The following RABGAP1L variants were observed in gnomAD, a reference collection of about 807,000 sequenced individuals.
RABGAP1L encodes the protein RAB GTPase activating protein 1 like.
Under a neutral mutation model 137.7 loss-of-function variants are expected in RABGAP1L, and 63 were observed. The ratio of observed to expected loss-of-function variants is 0.46; its 90% CI spans 0.37 to 0.56. RABGAP1L has a LOEUF of 0.56. Among genes scored for constraint, RABGAP1L ranks in the 20% least tolerant of loss-of-function variants. The pLI, the probability that RABGAP1L is intolerant of heterozygous loss-of-function variation, is 0.00. For missense variants in RABGAP1L, 1,095 were observed against 1,244.0 expected, an observed-to-expected ratio of 0.88 and a Z score of 1.80; for synonymous variants, 431 against 433.7, an observed-to-expected ratio of 0.99 and a Z score of 0.08.
At chr1:174,626,884 G>A (rs1572583212) in intron 13 of RABGAP1L, among the ~76,000 whole-genome samples, 1 of 152,194 alleles carries the variant, frequency 6.6e-6, no homozygotes, top group East Asian at 1.9e-4. Flanking sequence ...AGACCAATTT[G>A]TGATGTTTTA....
intron 19 of RABGAP1L, among the ~76,000 whole-genome samples, chr1:174,825,564 G>T (rs1020356187): frequency 2.0e-5 from 3 of 152,184 alleles, no homozygotes; most frequent in African/African-American, 7.2e-5. Flanking sequence ...ACACTGGAAG[G>T]ATTCTTTACT....
intron 11 of RABGAP1L, among the ~76,000 whole-genome samples, chr1:174,352,437 C>T (rs985974797): frequency 6.6e-6 from 1 of 152,060 alleles, no homozygotes; most frequent in African/African-American, 2.4e-5. Flanking sequence ...ATTTCAGTCT[C>T]TTTGTTAAAT....
At chr1:174,636,290 G>A (rs1333054579) in intron 13 of RABGAP1L, among the ~76,000 whole-genome samples, 1 of 152,026 alleles carries the variant, frequency 6.6e-6, no homozygotes, top group Non-Finnish European at 1.5e-5. Flanking sequence ...AGGTCGAAGT[G>A]GGTGAATCAC....
intron 4 of RABGAP1L, among the ~76,000 whole-genome samples, chr1:174,239,273 C>A (rs916199975): frequency 6.6e-6 from 1 of 152,186 alleles, no homozygotes; most frequent in Admixed American, 6.5e-5. Flanking sequence ...TGTTCCTATT[C>A]GGCCATCTTG....
At chr1:174,635,597 A>C (rs1673945137) in intron 13 of RABGAP1L, among the ~76,000 whole-genome samples, 1 of 152,126 alleles carries the variant, frequency 6.6e-6, no homozygotes, top group Non-Finnish European at 1.5e-5. Flanking sequence ...GGCAAATATA[A>C]ATTTTCTCTG....
intron 24 of RABGAP1L, among the ~76,000 whole-genome samples, chr1:174,983,825 C>A (rs1444124155): frequency 1.3e-5 from 2 of 152,080 alleles, no homozygotes; most frequent in East Asian, 3.9e-4. Context: ...ACTCATGTTA[C>A]AAAATGTCAA....
At chr1:174,355,675 A>G (rs1256437512) in intron 11 of RABGAP1L, among the ~76,000 whole-genome samples, 2 of 152,140 alleles carry the variant, frequency 1.3e-5, no homozygotes, top group African/African-American at 4.8e-5. Flanking sequence ...TGTTCTTCAG[A>G]TAAGATGTTT....
chr1:174,271,747 G>A (rs1674573887), intron 7 of RABGAP1L, among the ~76,000 whole-genome samples: 2 of 152,052 alleles, frequency 1.3e-5, no homozygotes, highest in Admixed American at 6.6e-5. Flanking sequence ...AAGTGGCAGT[G>A]TTGATGGGAT....
rs543595688 is a variant in RABGAP1L at position 174,995,252 on chromosome 1, C to T, written c.*5251C>T. On this transcript the variant is annotated 3_prime_UTR_variant, in exon 26 of 26. Coordinates refer to ENST00000681986, the MANE Select transcript of RABGAP1L (RefSeq NM_001366446.1). The stretch of plus-strand genomic sequence containing the variant: ...TTGTGAGCCAGTGATGTTTTCAATG[C>T]TTTGTGTTGCCCCTTTGGCCCCATT... The T allele has an allele frequency of 6.6e-6, 1 of 152,310 alleles. No homozygotes were observed. The highest frequency in any genetic ancestry group is 2.4e-5 in the African/African-American group (1 of 41,570). 9.4% of individuals were successfully genotyped at this position (152,310 alleles called of 1,614,324 possible). A position where few individuals can be genotyped will look rare whatever the true frequency, so the allele number is the denominator to read the frequency against.
At chr1:174,516,645 A>G (rs1015413539) in intron 13 of RABGAP1L, among the ~76,000 whole-genome samples, 1 of 152,178 alleles carries the variant, frequency 6.6e-6, no homozygotes, top group Non-Finnish European at 1.5e-5. Flanking sequence ...TACTGAGTAC[A>G]CACTGTGTGC....
At chr1:174,655,738 A>C (rs960258618) in intron 14 of RABGAP1L, among the ~76,000 whole-genome samples, 1 of 152,142 alleles carries the variant, frequency 6.6e-6, no homozygotes, top group Non-Finnish European at 1.5e-5. Context: ...TTCTCATTTT[A>C]TTCAATGGAT....
At chr1:174,966,315 T>C (rs768816991) in intron 20 of RABGAP1L, among the ~76,000 whole-genome samples, 1 of 152,220 alleles carries the variant, frequency 6.6e-6, no homozygotes, top group East Asian at 1.9e-4. Flanking sequence ...AGTAGTCTTA[T>C]CTTAGTTTCT....
At chr1:174,334,874 A>G (rs1031847420) in intron 11 of RABGAP1L, among the ~76,000 whole-genome samples, 7 of 152,236 alleles carry the variant, frequency 4.6e-5, no homozygotes, top group Admixed American at 2.0e-4. Context: ...AAAGACTAGA[A>G]AAGCAGAGAT....
intron 13 of RABGAP1L, among the ~76,000 whole-genome samples, chr1:174,557,332 A>G (rs1666943887): frequency 6.6e-6 from 1 of 152,160 alleles, no homozygotes; most frequent in Non-Finnish European, 1.5e-5. Context: ...TACAAATATC[A>G]CTTCTGTCAT....
intron 19 of RABGAP1L, among the ~76,000 whole-genome samples, chr1:174,853,423 T>G (rs1190400166): frequency 6.6e-6 from 1 of 152,150 alleles, no homozygotes; most frequent in African/African-American, 2.4e-5. Context: ...TCCTTAAACC[T>G]AGGTCTCATT....
intron 19 of RABGAP1L, among the ~76,000 whole-genome samples, chr1:174,894,938 G>A (rs924654347): frequency 1.3e-5 from 2 of 152,032 alleles, no homozygotes; most frequent in Non-Finnish European, 2.9e-5. Context: ...TGTATTTTTA[G>A]TAGAGACGAG....
chr1:174,250,501 T>A lies in RABGAP1L; in HGVS notation c.744T>A (p.Cys248Ter). ...EAVSRILYSFCTAFKRSSRQV... is the reference protein window; with the variant it reads ...EAVSRILYSF ...TAAGCAGAATTTTGTACAGTTTCTG[T>A]ACAGCATTCAAACGTTCTTCCAGAC... The change falls in exon 6 of 26, where the codon TGT becomes TGA. Residue 248 changes from cysteine to a stop codon, truncating the protein, a stop_gained. Coordinates refer to ENST00000681986, the MANE Select transcript of RABGAP1L (RefSeq NM_001366446.1). LOFTEE classifies it high-confidence loss of function. 1 of 1,613,470 alleles carries A rather than the reference T, an allele frequency of 6.2e-7. No homozygotes were observed. Among genetic ancestry groups the A allele is most frequent in the Non-Finnish European group, 8.5e-7 (1 of 1,179,592 alleles).
intron 13 of RABGAP1L, among the ~76,000 whole-genome samples, chr1:174,514,769 A>G (rs1260558032): frequency 1.3e-5 from 2 of 152,040 alleles, no homozygotes; most frequent in African/African-American, 4.8e-5. Context: ...ATTCTTTCTG[A>G]TGGGTTTTTG....
chr1:174,626,284 G>GCTATCC (rs1434758922), intron 13 of RABGAP1L, among the ~76,000 whole-genome samples: 1 of 152,170 alleles, frequency 6.6e-6, no homozygotes, highest in Non-Finnish European at 1.5e-5. Context: ...GGAAATCCAG[G>GCTATCC]CTATGCCCAT....
Sources: allele counts gnomAD v4.1 joint callset (sites outside exome capture counted in the v4.1 genomes callset), GRCh38; gene constraint gnomAD v4.1.1; transcripts MANE v1.5; gene names NCBI Gene and HGNC (gene_info 2026-07-23, HGNC 2026-07-21).